The following OGDH variants were observed in gnomAD, a reference collection of about 807,000 sequenced individuals.
OGDH encodes oxoglutarate dehydrogenase.
In OGDH, 38 loss-of-function variants were observed where a neutral mutation model predicts 116.6. That is an observed-to-expected ratio of 0.33 (90% CI 0.25 to 0.43). OGDH has a LOEUF of 0.43. OGDH is among the 20% of genes least tolerant of loss of function. The pLI, the probability that OGDH is intolerant of heterozygous loss-of-function variation, is 1.00. For missense variants in OGDH, 825 were observed against 1,357.2 expected, an observed-to-expected ratio of 0.61 and a Z score of 6.16; for synonymous variants, 488 against 533.3, an observed-to-expected ratio of 0.92 and a Z score of 1.17.
At chr7:44,701,717 A>C in intron 20 of OGDH, 102 bp downstream of exon 20, 1 of 1,185,518 alleles carries the variant, frequency 8.4e-7, no homozygotes, top group African/African-American at 1.5e-5. Flanking sequence ...TGTGATTCTC[A>C]CTGGCTCTTG....
chr7:44,609,214 T>A (rs113066476), intron 1 of OGDH, among the ~76,000 whole-genome samples: 3 of 152,020 alleles, frequency 2.0e-5, no homozygotes, highest in African/African-American at 7.2e-5. Context: ...TTATGGGTAG[T>A]TCATTCCTTG....
At chr7:44,617,912 T>C (rs1281979214) in intron 1 of OGDH, among the ~76,000 whole-genome samples, 2 of 152,146 alleles carry the variant, frequency 1.3e-5, no homozygotes, top group Non-Finnish European at 2.9e-5. Context: ...TTGATAGGCG[T>C]CAGTAGTTGG....
intron 17 of OGDH, 147 bp from the exon 18 acceptor site, chr7:44,698,045 T>A: frequency 1.0e-6 from 1 of 953,810 alleles, no homozygotes; most frequent in Admixed American, 2.2e-5. Context: ...GCCAAGTGCT[T>A]TGCTGGTGGG....
intron 10 of OGDH, 29 bp downstream of exon 10, chr7:44,681,877 G>A: frequency 6.2e-7 from 1 of 1,612,980 alleles, no homozygotes; most frequent in Non-Finnish European, 8.5e-7. Context: ...CGGCTTTGCT[G>A]CTCACATCAG....
chr7:44,698,037 C>T (rs1339282685), intron 17 of OGDH, among the ~76,000 whole-genome samples, 155 bp from the exon 18 acceptor site: 5 of 152,180 alleles, frequency 3.3e-5, no homozygotes, highest in Admixed American at 3.3e-4. Context: ...AATGATGAGC[C>T]AAGTGCTTTG....
chr7:44,657,916 T>C (rs1288525035), intron 4 of OGDH, among the ~76,000 whole-genome samples: 1 of 152,340 alleles, frequency 6.6e-6, no homozygotes, highest in Non-Finnish European at 1.5e-5. Flanking sequence ...CTTCATTGAA[T>C]TGCTTTTGTA....
intron 2 of OGDH, among the ~76,000 whole-genome samples, chr7:44,634,137 T>C (rs1415680121): frequency 2.6e-5 from 4 of 152,248 alleles, no homozygotes; most frequent in Non-Finnish European, 5.9e-5. Context: ...GCCTCTGATG[T>C]GTCTGGCAGT....
chr7:44,683,701 A>G (rs1238817510), intron 10 of OGDH, among the ~76,000 whole-genome samples: 1 of 152,208 alleles, frequency 6.6e-6, no homozygotes, highest in Non-Finnish European at 1.5e-5. Context: ...GAAATATCTT[A>G]TAACTTGTTT....
intron 4 of OGDH, among the ~76,000 whole-genome samples, chr7:44,658,916 A>G (rs1239680346): frequency 6.6e-6 from 1 of 151,866 alleles, no homozygotes; most frequent in Non-Finnish European, 1.5e-5. Context: ...GCTCACTGCA[A>G]CCTCCACCTC....
chr7:44,680,263 C>A (rs1405399385), intron 9 of OGDH, among the ~76,000 whole-genome samples: 1 of 151,970 alleles, frequency 6.6e-6, no homozygotes, highest in African/African-American at 2.4e-5. Context: ...CTCTCTCTCC[C>A]TCTTCCTCTT....
At position 44,647,772 on chromosome 7, in the gene OGDH, G is replaced by A. The variant is rs769344497; in HGVS notation, c.517+13G>A. On this transcript the variant is annotated intron_variant, in intron 4 of 22. Coordinates refer to ENST00000222673, the MANE Select transcript of OGDH (RefSeq NM_002541.4). ...ACAGACAAACTTGGTGAGGGTCTGA[G>A]AGCAGTCAGCTGCGTTGCTTGAGCT... 80 of 1,608,934 alleles carry A rather than the reference G, an allele frequency of 5.0e-5. No individual in the cohort carries two copies. The highest frequency in any genetic ancestry group is 6.8e-5 in the Non-Finnish European group (80 of 1,175,564).
chr7:44,701,532 C>T lies in OGDH; in HGVS notation c.2560-11C>T. 1 of 1,613,056 alleles carries T rather than the reference C, an allele frequency of 6.2e-7. No homozygotes were observed. Among genetic ancestry groups the T allele is most frequent in the Non-Finnish European group, 8.5e-7 (1 of 1,179,110 alleles). On this transcript the variant is annotated splice_polypyrimidine_tract_variant and intron_variant, in intron 19 of 22. Coordinates refer to ENST00000222673, the MANE Select transcript of OGDH (RefSeq NM_002541.4). ...TCTGATCCTTCACGAGCCTATTGTT[C>T]TGTATTTCAGTTAATTATCTTCACC...
chr7:44,698,961 T>C (rs1339075218), intron 18 of OGDH, among the ~76,000 whole-genome samples: 4 of 151,530 alleles, frequency 2.6e-5, no homozygotes, highest in African/African-American at 9.7e-5. Context: ...CTGGCCAATA[T>C]GGTGAAACCC....
chr7:44,707,137 C>A lies in OGDH; in HGVS notation c.2633-88C>A. ...AACCCTTGAAAGCTGCGTCTCCTGG[C>A]AGCAGTCCCTGGCACAGCCCTGGGC... On this transcript the variant is annotated intron_variant, in intron 20 of 22. Transcript: ENST00000222673. The surrounding 1 kb of genome is among the most constrained non-coding windows in gnomAD (Gnocchi z 5.2). 7.2e-7 allele frequency: 1 copy of A among 1,398,490 alleles called. No homozygotes were observed. Among genetic ancestry groups the A allele is most frequent in the Non-Finnish European group, 9.8e-7 (1 of 1,015,636 alleles). 86.6% of individuals were successfully genotyped at this position (1,398,490 alleles called of 1,614,324 possible).
At chr7:44,665,307 C>T (rs1236626003) in intron 4 of OGDH, among the ~76,000 whole-genome samples, 1 of 138,866 alleles carries the variant, frequency 7.2e-6, no homozygotes, top group Admixed American at 7.0e-5. Context: ...AAAAAAAAAG[C>T]CAGATTTGCT....
rs1459683131 is a variant in OGDH at position 44,670,315 on chromosome 7, A to G, written c.633+3464A>G. On this transcript the variant is annotated intron_variant, in intron 5 of 22. Transcript: ENST00000222673. ...TTCTGCCAGCTCTGTAATTGGAAAC[A>G]GCAGTAGTGATGAAGGGAAGAGTCC... 2.0e-5 allele frequency among the ~76,000 whole-genome samples: 3 copies of G among 152,188 alleles called. No individual in the cohort carries two copies. In the East Asian group the frequency reaches 5.8e-4, roughly 29 times the overall value.
At chr7:44,700,440 A>G (rs1237979632) in intron 19 of OGDH, among the ~76,000 whole-genome samples, 171 bp downstream of exon 19, 2 of 152,198 alleles carry the variant, frequency 1.3e-5, no homozygotes, top group African/African-American at 4.8e-5. Flanking sequence ...CACTGCTGCC[A>G]TGAGGGAACT....
In OGDH at chr7:44,707,345, C is replaced by T. The variant is rs2116442025; in HGVS notation, c.2753C>T (p.Ala918Val). Residue 918 changes from alanine (A) to valine (V), a missense_variant, in exon 21 of 23, where the codon GCA becomes GTA. Around this residue, in one of 7 missense-constraint regions of OGDH, gnomAD observed 212 missense variants for 284.3 expected, o/e 0.75. Transcript: ENST00000222673. This position sits in a 1 kb window ranked among gnomAD's most constrained non-coding sequence, Gnocchi z 5.2. Reference protein sequence around the residue: ...VYYDLTRERKARDMVGQVAIT... With the variant: ...VYYDLTRERKVRDMVGQVAIT... ...TATGACCTCACCCGGGAGCGCAAAG[C>T]ACGCGACATGGTGGGGCAGGTGGCC... 6.2e-7 allele frequency: 1 copy of T among 1,614,264 alleles called. No homozygotes were observed. The highest frequency in any genetic ancestry group is 8.5e-7 in the Non-Finnish European group (1 of 1,180,050).
chr7:44,645,398 C>T lies in OGDH; in HGVS notation c.294C>T (p.Pro98=), dbSNP rs1481103115. 2.5e-6 allele frequency: 4 copies of T among 1,614,244 alleles called. No individual in the cohort carries two copies. Among genetic ancestry groups the T allele is most frequent in the East Asian group, 2.2e-5 (1 of 44,890 alleles). ...GCACTGCCTACCAGAGTCCCCTTCC[C>T]CTGAGCCGAGGCTCCCTGGCTGCTG... ...PPGTAYQSPL[P]LSRGSLAAVA... is the part of the protein sequence containing the mutation. Residue 98 remains proline, a synonymous_variant, in exon 3 of 23, where the codon CCC becomes CCT. Transcript: ENST00000222673.
Sources: allele counts gnomAD v4.1 joint callset (sites outside exome capture counted in the v4.1 genomes callset), GRCh38; gene constraint gnomAD v4.1.1; regional missense constraint gnomAD v4.1.1; non-coding constraint Gnocchi (gnomAD v3.1); transcripts MANE v1.5; gene names NCBI Gene and HGNC (gene_info 2026-07-23, HGNC 2026-07-21).